Variants in CTNNA2 observed in about 807,000 individuals in gnomAD.
The protein encoded by CTNNA2 is catenin alpha 2, also known as catenin alpha-2.
In CTNNA2, 42 loss-of-function variants were observed where a neutral mutation model predicts 101.0. That is an observed-to-expected ratio of 0.42 (90% CI 0.32 to 0.54). CTNNA2 has a LOEUF of 0.54. CTNNA2 is among the 20% of genes least tolerant of loss of function. The pLI, the probability that CTNNA2 is intolerant of heterozygous loss-of-function variation, is 0.14. For synonymous variants in CTNNA2, 450 were observed against 456.4 expected (o/e 0.99, Z 0.18); for missense variants, 871 against 1,223.1 (o/e 0.71, Z 4.29).
At chr2:79,505,935 T>C (rs1029461081) in intron 5 of CTNNA2, among the ~76,000 whole-genome samples, 1 of 152,206 alleles carries the variant, frequency 6.6e-6, no homozygotes, top group African/African-American at 2.4e-5. Flanking sequence ...CAAAATTGTC[T>C]TGAATGGAGG....
chr2:80,069,400 G>T (rs184201558), intron 7 of CTNNA2, among the ~76,000 whole-genome samples: 5 of 152,078 alleles, frequency 3.3e-5, no homozygotes, highest in Non-Finnish European at 7.4e-5. Context: ...CAAATCTACC[G>T]CTTGTCAGCA....
chr2:79,581,186 T>C (rs919180208), intron 1 of CTNNA2, among the ~76,000 whole-genome samples: 2 of 152,234 alleles, frequency 1.3e-5, no homozygotes, highest in African/African-American at 4.8e-5. Context: ...TATGGTCCTG[T>C]GGTTATTCTT....
chr2:80,051,756 A>C (rs1374580650), intron 7 of CTNNA2, among the ~76,000 whole-genome samples: 1 of 152,096 alleles, frequency 6.6e-6, no homozygotes, highest in Non-Finnish European at 1.5e-5. Context: ...CCTGAGGAAA[A>C]TGAAAAGACA....
chr2:80,156,497 G>A (rs544441914), intron 7 of CTNNA2, among the ~76,000 whole-genome samples: 8 of 152,210 alleles, frequency 5.3e-5, no homozygotes, highest in Non-Finnish European at 1.0e-4. Flanking sequence ...TCTCTCTTCT[G>A]TGCCTGGGCA....
chr2:79,523,110 G>A (rs1025573409), intron 1 of CTNNA2: 3 of 300,946 alleles, frequency 1.0e-5, no homozygotes, highest in East Asian at 8.3e-5. Flanking sequence ...ATATCTAAGC[G>A]TTTCCTGCCA....
intron 7 of CTNNA2, among the ~76,000 whole-genome samples, chr2:80,022,638 G>T (rs967315826): frequency 6.6e-6 from 1 of 152,076 alleles, no homozygotes; most frequent in Non-Finnish European, 1.5e-5. Context: ...TGAACTAACG[G>T]AAGAGACATG....
intron 2 of CTNNA2, among the ~76,000 whole-genome samples, chr2:79,220,162 G>T (rs1558577726): frequency 1.3e-5 from 2 of 151,714 alleles, no homozygotes; most frequent in African/African-American, 2.4e-5. Context: ...GTATATATAT[G>T]TATGTGTGTG....
intron 7 of CTNNA2, among the ~76,000 whole-genome samples, chr2:80,025,026 C>G (rs142965238): frequency 1.3e-5 from 2 of 152,140 alleles, no homozygotes; most frequent in Non-Finnish European, 2.9e-5. Flanking sequence ...CGACCATCCC[C>G]GGCCAAGCTC....
chr2:79,511,804 G>A (rs1671550352), upstream of CTNNA2, among the ~76,000 whole-genome samples: 3 of 152,034 alleles, frequency 2.0e-5, no homozygotes. Context: ...AAATATCAAT[G>A]GCATAGCCAT....
intron 9 of CTNNA2, among the ~76,000 whole-genome samples, chr2:80,437,328 C>G (rs544516719): frequency 3.1e-4 from 47 of 152,082 alleles, no homozygotes; most frequent in Non-Finnish European, 5.7e-4. Flanking sequence ...TAAGATCAGG[C>G]CTTAGGGATG....
intron 2 of CTNNA2, among the ~76,000 whole-genome samples, chr2:79,673,633 T>C (rs1017142249): frequency 1.3e-5 from 2 of 152,218 alleles, no homozygotes; most frequent in Admixed American, 6.5e-5. Flanking sequence ...TGTAAATAAA[T>C]GAATGACCAT....
In CTNNA2 at chr2:79,685,465, G is replaced by A. The variant is rs549039088; in HGVS notation, c.102+33807G>A. Among the ~76,000 whole-genome samples, 23 of 152,312 alleles carry A rather than the reference G, an allele frequency of 1.5e-4. No homozygotes were observed. The South Asian group carries it at 3.7e-3, about 25-fold the overall frequency. ...TTTTACTCCTACACGGCAGTCTGAA[G>A]TGAAGCATATAGGCCTAGTGGGGTA... On this transcript the variant is annotated intron_variant, in intron 2 of 18. Transcript: ENST00000402739.
intron 9 of CTNNA2, among the ~76,000 whole-genome samples, chr2:80,508,852 G>A (rs573408419): frequency 1.3e-5 from 2 of 152,184 alleles, no homozygotes; most frequent in East Asian, 3.9e-4. Flanking sequence ...GTCTCCCCTC[G>A]ACTTTGCAGG....
chr2:79,512,726 C>G (rs993472919), upstream of CTNNA2, among the ~76,000 whole-genome samples: 1 of 151,810 alleles, frequency 6.6e-6, no homozygotes, highest in Non-Finnish European at 1.5e-5. Flanking sequence ...GTCCCCTCCC[C>G]CCACCTGCGG....
intron 7 of CTNNA2, among the ~76,000 whole-genome samples, chr2:80,379,513 A>AT (rs1036984399): frequency 5.3e-5 from 8 of 152,128 alleles, no homozygotes; most frequent in Non-Finnish European, 1.0e-4. Context: ...ATAGTGACTA[A>AT]TTCACTGGGA....
At chr2:79,468,464 G>A (rs2104543814) in intron 4 of CTNNA2, among the ~76,000 whole-genome samples, 1 of 152,258 alleles carries the variant, frequency 6.6e-6, no homozygotes, top group Non-Finnish European at 1.5e-5. Flanking sequence ...ACATTAGACA[G>A]ATCAACGAGA....
chr2:80,644,189 G>A (rs1309451120), intron 18 of CTNNA2, among the ~76,000 whole-genome samples: 5 of 152,004 alleles, frequency 3.3e-5, no homozygotes, highest in East Asian at 1.9e-4. Flanking sequence ...AACAACTTAC[G>A]TTACCTCCCT....
At chr2:80,016,694 T>A in intron 7 of CTNNA2, among the ~76,000 whole-genome samples, 1 of 152,210 alleles carries the variant, frequency 6.6e-6, no homozygotes, top group Non-Finnish European at 1.5e-5. Context: ...CTTTTATGTA[T>A]TTACCAGGAA....
chr2:79,449,882 A>C (rs1350725618), intron 4 of CTNNA2, among the ~76,000 whole-genome samples: 1 of 152,042 alleles, frequency 6.6e-6, no homozygotes, highest in African/African-American at 2.4e-5. Context: ...GGATACACAA[A>C]TGCAGGATTG....
Sources: allele counts gnomAD v4.1 joint callset (sites outside exome capture counted in the v4.1 genomes callset), GRCh38; gene constraint gnomAD v4.1.1; transcripts MANE v1.5; gene names NCBI Gene and HGNC (gene_info 2026-07-23, HGNC 2026-07-21).